ADAMTS20: variants seen among roughly 807,000 people sequenced by gnomAD.
ADAMTS20 encodes the protein ADAM metallopeptidase with thrombospondin type 1 motif 20.
A neutral mutation model predicts 260.1 loss-of-function variants in ADAMTS20; 225 were observed. That is an observed-to-expected ratio of 0.87 (90% CI 0.78 to 0.97). The LOEUF (loss-of-function observed/expected upper bound fraction) is 0.97. Among genes scored for constraint, ADAMTS20 ranks in the 50% least tolerant of loss-of-function variants. The pLI is 0.00. For missense variants in ADAMTS20, 2,400 were observed against 2,337.7 expected, an observed-to-expected ratio of 1.03 and a Z score of -0.55; for synonymous variants, 802 against 769.5, an observed-to-expected ratio of 1.04 and a Z score of -0.70.
chr12:43,488,579 C>T (rs1425146371), intron 7 of ADAMTS20, among the ~76,000 whole-genome samples: 2 of 152,030 alleles, frequency 1.3e-5, no homozygotes, highest in Admixed American at 6.6e-5. Context: ...GTAGCATTTC[C>T]GGGTAAATGA....
chr12:43,431,271 C>T (rs926157915), intron 22 of ADAMTS20, 61 bp downstream of exon 22: 2 of 1,540,122 alleles, frequency 1.3e-6, no homozygotes, highest in South Asian at 1.2e-5. Flanking sequence ...AAATATAACA[C>T]AACTTTTGTG....
intron 7 of ADAMTS20, among the ~76,000 whole-genome samples, chr12:43,481,537 C>T (rs1942442086): frequency 6.6e-6 from 1 of 151,970 alleles, no homozygotes; most frequent in African/African-American, 2.4e-5. Flanking sequence ...AATATATTGC[C>T]ATAATTCACA....
intron 36 of ADAMTS20, among the ~76,000 whole-genome samples, chr12:43,370,915 C>T (rs1940093951): frequency 6.6e-6 from 1 of 152,162 alleles, no homozygotes; most frequent in Admixed American, 6.5e-5. Context: ...CACTTTTTAT[C>T]TGAATTGTTA....
intron 2 of ADAMTS20, among the ~76,000 whole-genome samples, chr12:43,539,943 C>A (rs1943353746): frequency 6.6e-6 from 1 of 150,774 alleles, no homozygotes. Flanking sequence ...AGTGCAGTGG[C>A]ACGATCTCAG....
intron 4 of ADAMTS20, among the ~76,000 whole-genome samples, chr12:43,498,754 G>A (rs1377668866): frequency 4.6e-5 from 7 of 152,186 alleles, no homozygotes; most frequent in South Asian, 4.1e-4. Flanking sequence ...GGATTTGATC[G>A]CTACACAGTG....
chr12:43,420,796 CCTTCTTTTT>C (rs1374714156), intron 28 of ADAMTS20, among the ~76,000 whole-genome samples: 23 of 82,132 alleles, frequency 2.8e-4, no homozygotes, highest in Non-Finnish European at 3.3e-4. Context: ...TCCTCCTCCT[CCTTCTTTTT>C]TTTTTTTTTT....
intron 11 of ADAMTS20, among the ~76,000 whole-genome samples, chr12:43,462,498 A>T (rs944203110): frequency 6.6e-6 from 1 of 152,218 alleles, no homozygotes; most frequent in African/African-American, 2.4e-5. Flanking sequence ...GAAGCCACTT[A>T]AAACTTTCAA....
chr12:43,534,514 C>T (rs1363152847), intron 2 of ADAMTS20, among the ~76,000 whole-genome samples: 1 of 152,088 alleles, frequency 6.6e-6, no homozygotes, highest in East Asian at 1.9e-4. Context: ...AAATAATATA[C>T]TTACAAGGTT....
chr12:43,398,940 G>T, intron 29 of ADAMTS20, 126 bp downstream of exon 29: 1 of 547,178 alleles, frequency 1.8e-6, no homozygotes, highest in Non-Finnish European at 2.8e-6. Flanking sequence ...TTACAGCATA[G>T]TGCAAAAAAG....
chr12:43,429,882 T>C (rs1941407428), intron 23 of ADAMTS20, among the ~76,000 whole-genome samples, 158 bp from the exon 24 acceptor site: 1 of 152,202 alleles, frequency 6.6e-6, no homozygotes, highest in Non-Finnish European at 1.5e-5. Context: ...CTAACTACAG[T>C]ATCGTCAAGT....
At chr12:43,365,565 A>T (rs955711305) in intron 37 of ADAMTS20, among the ~76,000 whole-genome samples, 1 of 152,002 alleles carries the variant, frequency 6.6e-6, no homozygotes, top group African/African-American at 2.4e-5. Flanking sequence ...ATCCACAGGA[A>T]GAAATAAAGA....
chr12:43,491,845 T>A (rs1942604678), intron 6 of ADAMTS20, among the ~76,000 whole-genome samples: 1 of 152,132 alleles, frequency 6.6e-6, no homozygotes, highest in Non-Finnish European at 1.5e-5. Flanking sequence ...AAGAAGGGAA[T>A]GAACAAAACC....
At chr12:43,429,104 G>C (rs1285324590) in intron 24 of ADAMTS20, among the ~76,000 whole-genome samples, 1 of 151,912 alleles carries the variant, frequency 6.6e-6, no homozygotes, top group Non-Finnish European at 1.5e-5. Flanking sequence ...TTTTAGGTAA[G>C]AGAATCTTAT....
At chr12:43,362,814 G>A (rs1939900851) in intron 37 of ADAMTS20, among the ~76,000 whole-genome samples, 1 of 145,762 alleles carries the variant, frequency 6.9e-6, no homozygotes. Context: ...GTACCTTAAA[G>A]CTTAAAGTAT....
At chr12:43,404,035 G>A (rs1476029410) in intron 28 of ADAMTS20, among the ~76,000 whole-genome samples, 1 of 152,054 alleles carries the variant, frequency 6.6e-6, no homozygotes, top group Non-Finnish European at 1.5e-5. Context: ...GATGTCTGAT[G>A]TCCAATTTAG....
At chr12:43,434,479 A>G in intron 18 of ADAMTS20, 108 bp from the exon 19 acceptor site, 1 of 1,143,380 alleles carries the variant, frequency 8.7e-7, no homozygotes, top group Non-Finnish European at 1.2e-6. Context: ...TAAGCAAGTA[A>G]AAATTTCCAA....
At chr12:43,460,988 A>ATATATTTTTTTTT in intron 11 of ADAMTS20, among the ~76,000 whole-genome samples, 10 of 26,394 alleles carry the variant, frequency 3.8e-4, no homozygotes, top group African/African-American at 1.1e-3. Context: ...ATATATATAT[A>ATATATTTTTTTTT]TTTTTTTTTT....
intron 3 of ADAMTS20, among the ~76,000 whole-genome samples, chr12:43,510,161 A>C (rs2137461449): frequency 6.6e-6 from 1 of 152,202 alleles, no homozygotes; most frequent in African/African-American, 2.4e-5. Context: ...TAAAAATATA[A>C]ATGGTGTGTG....
At chr12:43,525,357 C>A (rs577135136) in intron 3 of ADAMTS20, among the ~76,000 whole-genome samples, 1 of 152,196 alleles carries the variant, frequency 6.6e-6, no homozygotes, top group Middle Eastern at 3.4e-3. Context: ...CCAGACCATC[C>A]CTATAAGAAA....
Sources: gnomAD v4.1 joint callset for allele counts (sites outside exome capture counted in the v4.1 genomes callset) on GRCh38, gnomAD v4.1.1 for gene constraint, MANE v1.5 for transcripts, NCBI Gene and HGNC (gene_info 2026-07-23, HGNC 2026-07-21) for gene names.